RBFOX1: variants seen among roughly 807,000 people sequenced by gnomAD.
RBFOX1 encodes the protein RNA binding fox-1 homolog 1, also known as RNA binding protein fox-1 homolog 1.
Under a neutral mutation model 57.7 loss-of-function variants are expected in RBFOX1, and 8 were observed. The ratio of observed to expected loss-of-function variants is 0.14; its 90% CI spans 0.08 to 0.25. RBFOX1 has a LOEUF of 0.25. Among genes scored for constraint, RBFOX1 ranks in the 10% least tolerant of loss-of-function variants. The pLI, the probability that RBFOX1 is intolerant of heterozygous loss-of-function variation, is 1.00. For synonymous variants in RBFOX1, 326 were observed against 222.4 expected (o/e 1.47, Z -4.15); for missense variants, 611 against 548.5 (o/e 1.11, Z -1.14).
In RBFOX1 at chr16:5,699,270, G is replaced by T. The variant is rs1438861963; in HGVS notation, c.318+100309G>T. On this transcript the variant is annotated intron_variant, in intron 3 of 19. Coordinates refer to the RBFOX1 transcript ENST00000641259. ...CTAAGGGATCTCGGTTTTCTATGCA[G>T]TTATATCACCTCAGTCTTTTAAAAA... Among the ~76,000 whole-genome samples, 6 of 151,932 alleles carry T rather than the reference G, an allele frequency of 3.9e-5. No homozygotes were observed. In the South Asian group the frequency reaches 6.3e-4, roughly 16 times the overall value.
intron 4 of RBFOX1, among the ~76,000 whole-genome samples, chr16:7,389,368 C>T (rs533858174): frequency 9.9e-5 from 15 of 152,170 alleles, no homozygotes; most frequent in Non-Finnish European, 1.9e-4. Context: ...TCAGGTAGTC[C>T]TCCCACCTCA....
chr16:5,404,164 G>C (rs980958631), intron 1 of RBFOX1, among the ~76,000 whole-genome samples: 3 of 151,842 alleles, frequency 2.0e-5, no homozygotes, highest in African/African-American at 7.3e-5. Flanking sequence ...AGATATGGGG[G>C]TGGATGGTGA....
intron 3 of RBFOX1, among the ~76,000 whole-genome samples, chr16:5,678,277 A>G (rs565306406): frequency 6.6e-6 from 1 of 152,300 alleles, no homozygotes; most frequent in Admixed American, 6.5e-5. Context: ...AGGGCAGTGC[A>G]GTCTGAATTA....
intron 1 of RBFOX1, among the ~76,000 whole-genome samples, chr16:6,254,047 T>C (rs2097645344): frequency 6.6e-6 from 1 of 152,168 alleles, no homozygotes; most frequent in Admixed American, 6.5e-5. Flanking sequence ...TGATACAGCC[T>C]GTGTGACATA....
intron 3 of RBFOX1, among the ~76,000 whole-genome samples, chr16:6,864,455 G>C (rs1453765027): frequency 6.6e-6 from 1 of 151,672 alleles, no homozygotes; most frequent in Non-Finnish European, 1.5e-5. Flanking sequence ...ACATCATCAT[G>C]CCCGAAAAAG....
At chr16:7,464,244 A>G (rs1413992170) in intron 4 of RBFOX1, among the ~76,000 whole-genome samples, 1 of 152,228 alleles carries the variant, frequency 6.6e-6, no homozygotes, top group Non-Finnish European at 1.5e-5. Flanking sequence ...GCACATGTAT[A>G]TAATGGTGGA....
At chr16:7,381,159 C>G (rs2097776285) in intron 4 of RBFOX1, among the ~76,000 whole-genome samples, 1 of 152,304 alleles carries the variant, frequency 6.6e-6, no homozygotes, top group East Asian at 1.9e-4. Context: ...GATGCTTGAA[C>G]TTCTCCCACG....
intron 4 of RBFOX1, among the ~76,000 whole-genome samples, chr16:7,253,022 G>T (rs567790789): frequency 1.3e-5 from 2 of 152,124 alleles, no homozygotes; most frequent in African/African-American, 4.8e-5. Context: ...GCCCTTCTGG[G>T]TAAATGAGTG....
chr16:6,570,384 G>T (rs1312165805), intron 2 of RBFOX1, among the ~76,000 whole-genome samples: 1 of 152,040 alleles, frequency 6.6e-6, no homozygotes, highest in African/African-American at 2.4e-5. Context: ...GTAAAATCGA[G>T]AATTTTTTAT....
At chr16:7,356,264 A>G (rs189994030) in intron 4 of RBFOX1, among the ~76,000 whole-genome samples, 53 of 152,334 alleles carry the variant, frequency 3.5e-4, no homozygotes, top group African/African-American at 1.3e-3. Context: ...TCTAATGGGC[A>G]GGATGGAGGC....
chr16:5,608,788 G>T (rs2047676578), intron 3 of RBFOX1, among the ~76,000 whole-genome samples: 2 of 152,174 alleles, frequency 1.3e-5, no homozygotes, highest in African/African-American at 4.8e-5. Flanking sequence ...CTTTCCTGAT[G>T]TAATCCAGAA....
intron 1 of RBFOX1, among the ~76,000 whole-genome samples, chr16:5,397,510 A>G (rs948614452): frequency 2.0e-5 from 3 of 152,142 alleles, no homozygotes; most frequent in African/African-American, 7.2e-5. Flanking sequence ...CTGCAACCCC[A>G]TTCCCCTCTG....
chr16:7,063,202 G>A (rs894598871), intron 4 of RBFOX1, among the ~76,000 whole-genome samples: 2 of 152,020 alleles, frequency 1.3e-5, no homozygotes, highest in African/African-American at 2.4e-5. Flanking sequence ...TTTTGGGTCA[G>A]TTCTCAGTCA....
intron 4 of RBFOX1, among the ~76,000 whole-genome samples, chr16:7,081,550 G>C (rs1316178283): frequency 6.6e-6 from 1 of 152,178 alleles, no homozygotes; most frequent in Non-Finnish European, 1.5e-5. Context: ...AGAGTAGTGG[G>C]AGTTTTTATA....
intron 3 of RBFOX1, among the ~76,000 whole-genome samples, chr16:6,835,197 G>A (rs1169444168): frequency 1.3e-5 from 2 of 151,988 alleles, no homozygotes; most frequent in South Asian, 4.2e-4. Context: ...CACCACGCCC[G>A]ACCGGCCTGA....
chr16:7,576,779 C>T (rs948462353), intron 5 of RBFOX1, among the ~76,000 whole-genome samples: 1 of 152,124 alleles, frequency 6.6e-6, no homozygotes, highest in Non-Finnish European at 1.5e-5. Flanking sequence ...AGCAGTTATA[C>T]ACAAATCCAA....
intron 2 of RBFOX1, among the ~76,000 whole-genome samples, chr16:6,471,758 G>A (rs2095180077): frequency 6.6e-6 from 1 of 152,102 alleles, no homozygotes; most frequent in Non-Finnish European, 1.5e-5. Context: ...AAGGCAAAGG[G>A]ATCTGGAGAC....
At chr16:7,535,009 G>C (rs577115313) in intron 5 of RBFOX1, among the ~76,000 whole-genome samples, 1 of 152,184 alleles carries the variant, frequency 6.6e-6, no homozygotes. Flanking sequence ...TAACTCCCAA[G>C]TCAGGCTAAG....
intron 4 of RBFOX1, among the ~76,000 whole-genome samples, chr16:5,940,477 G>C (rs151214937): frequency 6.6e-6 from 1 of 152,262 alleles, no homozygotes; most frequent in East Asian, 1.9e-4. Flanking sequence ...GAAAACCATG[G>C]GGGAATGTCA....
Sources: gnomAD v4.1 joint callset for allele counts (sites outside exome capture counted in the v4.1 genomes callset) on GRCh38, gnomAD v4.1.1 for gene constraint, MANE v1.5 for transcripts, NCBI Gene and HGNC (gene_info 2026-07-23, HGNC 2026-07-21) for gene names.